The following MYOM1 variants were observed in gnomAD, a reference collection of about 807,000 sequenced individuals.
MYOM1 encodes the protein myomesin-1.
In MYOM1, 164 loss-of-function variants were observed where a neutral mutation model predicts 205.3. The ratio of observed to expected loss-of-function variants is 0.80; its 90% CI spans 0.70 to 0.91. MYOM1 has a LOEUF of 0.91. Ranked by LOEUF, MYOM1 falls within the 40% of genes least tolerant of loss-of-function variation. The probability of loss-of-function intolerance (pLI) is 0.00; values close to 1 mark genes in which losing one functional copy is unlikely to be tolerated. For synonymous variants in MYOM1, 772 were observed against 789.4 expected (o/e 0.98, Z 0.37); for missense variants, 2,011 against 2,127.3 (o/e 0.95, Z 1.08).
intron 21 of MYOM1, among the ~76,000 whole-genome samples, chr18:3,115,852 G>GCT (rs1567913458): frequency 6.6e-6 from 1 of 152,112 alleles, no homozygotes; most frequent in Non-Finnish European, 1.5e-5. Context: ...ATCTCTGAGA[G>GCT]CTCATGTGAG....
intron 9 of MYOM1, among the ~76,000 whole-genome samples, chr18:3,166,410 A>G (rs746321320): frequency 1.3e-5 from 2 of 151,870 alleles, no homozygotes; most frequent in Non-Finnish European, 2.9e-5. Context: ...AGCTGGGATT[A>G]CAGGCATGCA....
chr18:3,089,806 T>C (rs1410140386), intron 27 of MYOM1, among the ~76,000 whole-genome samples: 2 of 152,204 alleles, frequency 1.3e-5, no homozygotes, highest in African/African-American at 4.8e-5. Flanking sequence ...AGTGACATAA[T>C]ATTGGATGTT....
At chr18:3,243,927 A>C in the MYOM1 span, among the ~76,000 whole-genome samples, 123 of 152,292 alleles carry the variant, frequency 8.1e-4, no homozygotes, top group Admixed American at 1.9e-3. Flanking sequence ...GGGAAAAAAA[A>C]CACCACCACC....
At chr18:3,223,619 T>G (rs2081340736), upstream of MYOM1, among the ~76,000 whole-genome samples, 1 of 152,238 alleles carries the variant, frequency 6.6e-6, no homozygotes, top group Non-Finnish European at 1.5e-5. Flanking sequence ...CCAGCTCTAA[T>G]AACCTGTGCT....
intron 9 of MYOM1, 30 bp downstream of exon 9, chr18:3,168,787 C>G (rs745630512): frequency 1.2e-6 from 2 of 1,611,700 alleles, no homozygotes; most frequent in East Asian, 2.2e-5. Context: ...CGAATAAGAA[C>G]CTAAGTGAGC....
intron 2 of MYOM1, among the ~76,000 whole-genome samples, chr18:3,203,622 A>G (rs950878854): frequency 6.6e-5 from 10 of 151,926 alleles, no homozygotes; most frequent in African/African-American, 2.2e-4. Flanking sequence ...CAAGTAAAGA[A>G]CTCGAATTGG....
intron 3 of MYOM1, among the ~76,000 whole-genome samples, chr18:3,192,628 T>G (rs1263163377): frequency 6.6e-6 from 1 of 152,226 alleles, no homozygotes; most frequent in African/African-American, 2.4e-5. Flanking sequence ...GCTATGGGAA[T>G]AACTCTCTGT....
chr18:3,118,551 C>G (rs1598690284), intron 20 of MYOM1, among the ~76,000 whole-genome samples: 2 of 152,076 alleles, frequency 1.3e-5, no homozygotes, highest in East Asian at 3.9e-4. Flanking sequence ...CCAGCCTGGT[C>G]TTGAACCCCT....
chr18:3,210,512 T>C (rs954597572), intron 2 of MYOM1, among the ~76,000 whole-genome samples: 5 of 152,184 alleles, frequency 3.3e-5, no homozygotes, highest in Non-Finnish European at 7.3e-5. Context: ...CAAATATCTA[T>C]GTCTGATTCT....
intron 10 of MYOM1, among the ~76,000 whole-genome samples, chr18:3,155,601 G>A (rs559171500): frequency 6.6e-6 from 1 of 152,314 alleles, no homozygotes; most frequent in South Asian, 2.1e-4. Flanking sequence ...TCAGAAAATA[G>A]AAAGTGCTCT....
intron 22 of MYOM1, among the ~76,000 whole-genome samples, chr18:3,105,160 AT>A (rs1035120595): frequency 6.6e-6 from 1 of 152,188 alleles, no homozygotes; most frequent in African/African-American, 2.4e-5. Flanking sequence ...GAGCAGGAGC[AT>A]TGAGAATAAA....
intron 2 of MYOM1, among the ~76,000 whole-genome samples, chr18:3,214,268 A>G (rs2081226772): frequency 6.6e-6 from 1 of 152,208 alleles, no homozygotes; most frequent in African/African-American, 2.4e-5. Flanking sequence ...AGGCAGAAAC[A>G]TTCTGAGCGC....
At chr18:3,092,775 C>T (rs920614586) in intron 26 of MYOM1, among the ~76,000 whole-genome samples, 26 of 152,110 alleles carry the variant, frequency 1.7e-4, no homozygotes, top group African/African-American at 6.3e-4. Context: ...TGCTTAGCAT[C>T]CCCCCATCCT....
chr18:3,091,212 AG>A (rs2079221234), intron 26 of MYOM1, among the ~76,000 whole-genome samples: 1 of 152,120 alleles, frequency 6.6e-6, no homozygotes, highest in South Asian at 2.1e-4. Flanking sequence ...GCTACCTGGG[AG>A]GCTGAGCCAG....
intron 10 of MYOM1, among the ~76,000 whole-genome samples, chr18:3,163,484 A>T (rs1417547104): frequency 6.6e-6 from 1 of 151,840 alleles, no homozygotes; most frequent in Non-Finnish European, 1.5e-5. Context: ...ACAGGGTCTC[A>T]CTCTGTCACC....
intron 22 of MYOM1, 74 bp from the exon 23 acceptor site, chr18:3,102,704 TCTTTA>T: frequency 6.6e-7 from 1 of 1,507,286 alleles, no homozygotes; most frequent in Admixed American, 1.9e-5. Flanking sequence ...ACCTTGAGAT[TCTTTA>T]CTTTAACCCT....
upstream of MYOM1, among the ~76,000 whole-genome samples, chr18:3,222,299 G>T (rs558506953): frequency 1.5e-3 from 227 of 152,276 alleles, 8 homozygotes; most frequent in South Asian, 0.045. Flanking sequence ...GTAGCTAGTT[G>T]TAATTCAGAT....
the MYOM1 span, among the ~76,000 whole-genome samples, chr18:3,239,589 C>G: frequency 1.3e-5 from 2 of 151,668 alleles, no homozygotes; most frequent in Non-Finnish European, 2.9e-5. Flanking sequence ...AATCCTGTCT[C>G]TACAAATAAT....
chr18:3,080,311 G>A (rs1281256891), intron 33 of MYOM1, among the ~76,000 whole-genome samples: 1 of 151,842 alleles, frequency 6.6e-6, no homozygotes, highest in East Asian at 1.9e-4. Context: ...TATTATAAAT[G>A]TATTTTCTGA....
Sources: gnomAD v4.1 joint callset for allele counts (sites outside exome capture counted in the v4.1 genomes callset) on GRCh38, gnomAD v4.1.1 for gene constraint, MANE v1.5 for transcripts, NCBI Gene and HGNC (gene_info 2026-07-23, HGNC 2026-07-21) for gene names.